The following LRRC72 variants were observed in gnomAD, a reference collection of about 807,000 sequenced individuals.
The protein encoded by LRRC72 is leucine-rich repeat-containing protein 72.
In LRRC72, 41 loss-of-function variants were observed where a neutral mutation model predicts 35.8. That is an observed-to-expected ratio of 1.15 (90% CI 0.89 to 1.49). The LOEUF is 1.49. Among genes scored for constraint, LRRC72 ranks in the 40% most tolerant of loss-of-function variants. The probability of loss-of-function intolerance (pLI) is 0.00; values close to 1 mark genes in which losing one functional copy is unlikely to be tolerated. For synonymous variants in LRRC72, 118 were observed against 119.2 expected (o/e 0.99, Z 0.07); for missense variants, 389 against 330.7 (o/e 1.18, Z -1.37).
intron 3 of LRRC72, among the ~76,000 whole-genome samples, chr7:16,548,692 G>A (rs1445140317): frequency 1.3e-5 from 2 of 152,208 alleles, no homozygotes; most frequent in African/African-American, 4.8e-5. Context: ...ACTCTTGACA[G>A]GCATGGGATC....
intron 7 of LRRC72, among the ~76,000 whole-genome samples, chr7:16,575,655 A>G (rs1386567966): frequency 9.2e-5 from 14 of 152,234 alleles, no homozygotes; most frequent in Admixed American, 5.9e-4. Context: ...CAAGTGTACA[A>G]TAAGTTGAAC....
rs534389927 is a variant in LRRC72 at position 16,580,637 on chromosome 7, C to G, written c.698+536C>G. On this transcript the variant is annotated intron_variant, in intron 8 of 8. Coordinates refer to ENST00000401542, the MANE Select transcript of LRRC72 (RefSeq NM_001195280.2). ...CCAGCCTGGGTGACAGAGTGAGACT[C>G]TGTTTCAAAAAATAAAAAAATAAAA... 2.0e-5 allele frequency among the ~76,000 whole-genome samples: 3 copies of G among 152,186 alleles called. No homozygotes were observed. The South Asian group carries it at 6.2e-4, about 32-fold the overall frequency.
chr7:16,545,211 T>C (rs1385466867), intron 3 of LRRC72, among the ~76,000 whole-genome samples: 1 of 152,164 alleles, frequency 6.6e-6, no homozygotes, highest in African/African-American at 2.4e-5. Context: ...TTTTAAGAAA[T>C]ATCTTAGGCT....
Position 16,581,526 on chromosome 7 carries a change from T to G in LRRC72, c.*37T>G. ...TCTAGATATCTTAGTGGTTTTCAGT[T>G]GTATATTAAACTTCCCTGTGACTTA... On this transcript the variant is annotated 3_prime_UTR_variant, in exon 9 of 9. Transcript: ENST00000401542. 1 of 1,443,012 alleles carries G rather than the reference T, an allele frequency of 6.9e-7. No homozygotes were observed. The highest frequency in any genetic ancestry group is 9.2e-7 in the Non-Finnish European group (1 of 1,091,776). 89.4% of individuals were successfully genotyped at this position (1,443,012 alleles called of 1,614,324 possible). A position where few individuals can be genotyped will look rare whatever the true frequency, so the allele number is the denominator to read the frequency against.
At chr7:16,542,251 G>C (rs951519599) in intron 3 of LRRC72, among the ~76,000 whole-genome samples, 1 of 152,134 alleles carries the variant, frequency 6.6e-6, no homozygotes, top group Non-Finnish European at 1.5e-5. Flanking sequence ...GCTTAGAAAG[G>C]GATCGCATGC....
At chr7:16,564,214 G>A (rs1369681224) in intron 5 of LRRC72, among the ~76,000 whole-genome samples, 1 of 152,150 alleles carries the variant, frequency 6.6e-6, no homozygotes, top group Non-Finnish European at 1.5e-5. Context: ...TGTCAGATGT[G>A]ATTCCCCAAG....
intron 2 of LRRC72, among the ~76,000 whole-genome samples, chr7:16,537,336 G>A (rs1324127480): frequency 6.6e-6 from 1 of 152,110 alleles, no homozygotes; most frequent in Non-Finnish European, 1.5e-5. Flanking sequence ...AGTAAAACTT[G>A]TTTTGAATTA....
chr7:16,530,609 T>C (rs989897276), intron 1 of LRRC72: 2 of 152,252 alleles, frequency 1.3e-5, no homozygotes, highest in African/African-American at 2.4e-5. Context: ...TCCATTGTGA[T>C]GTCACATGTC....
chr7:16,532,476 A>G lies in LRRC72; in HGVS notation c.91-19A>G. On this transcript the variant is annotated intron_variant, in intron 1 of 8. Transcript: ENST00000401542. ...TGTTCATTGGAATGTAGTTTGACAG[A>G]TTAATTATATGTTATCAGGCAGTTG... 6.5e-7 allele frequency: 1 copy of G among 1,537,836 alleles called. No homozygotes were observed. Among genetic ancestry groups the G allele is most frequent in the Non-Finnish European group, 8.8e-7 (1 of 1,135,426 alleles).
intron 4 of LRRC72, 103 bp downstream of exon 4, chr7:16,557,544 T>G (rs534309015): frequency 5.3e-6 from 2 of 377,766 alleles, no homozygotes; most frequent in Non-Finnish European, 9.6e-6. Context: ...TTAACATTTC[T>G]GTTGAAAATA....
Position 16,537,648 on chromosome 7 carries a change from T to C in LRRC72, c.186T>C (p.Asp62=). The C allele has an allele frequency of 1.3e-6, 2 of 1,529,678 alleles. No individual in the cohort carries two copies. Among genetic ancestry groups the C allele is most frequent in the Non-Finnish European group, 1.8e-6 (2 of 1,135,098 alleles). 94.8% of individuals were successfully genotyped at this position (1,529,678 alleles called of 1,614,324 possible). The change falls in exon 3 of 9, where the codon GAT becomes GAC. Residue 62 remains aspartate (D), a synonymous_variant. Transcript: ENST00000401542. The stretch of plus-strand genomic sequence containing the variant: ...CCAGGGAACTGACAGAGGTCATTGA[T>C]CTTTCTAGGTTTAAAAAATTAAAAT... ...LSKKELTEVI[D]LSRFKKLKYL...
intron 2 of LRRC72, among the ~76,000 whole-genome samples, chr7:16,533,782 T>A (rs1230855038): frequency 1.3e-5 from 2 of 152,136 alleles, no homozygotes; most frequent in African/African-American, 4.8e-5. Context: ...AAAAATATAT[T>A]TTTTAGTATG....
chr7:16,562,796 C>T (rs993711337), intron 5 of LRRC72, among the ~76,000 whole-genome samples: 31 of 152,184 alleles, frequency 2.0e-4, no homozygotes, highest in African/African-American at 7.2e-4. Flanking sequence ...AAACAATTCA[C>T]CAAAGGAAAA....
intron 2 of LRRC72, among the ~76,000 whole-genome samples, chr7:16,533,185 T>C (rs1259404887): frequency 1.3e-5 from 2 of 152,116 alleles, no homozygotes; most frequent in African/African-American, 2.4e-5. Flanking sequence ...CATACTATGA[T>C]AATGAACTCC....
chr7:16,558,014 C>G (rs958488438), intron 4 of LRRC72, among the ~76,000 whole-genome samples: 23 of 152,178 alleles, frequency 1.5e-4, no homozygotes, highest in African/African-American at 5.3e-4. Flanking sequence ...GAAAGAACAT[C>G]TTGCCAACGA....
chr7:16,581,094 A>G (rs1376483532), intron 8 of LRRC72, among the ~76,000 whole-genome samples: 1 of 152,210 alleles, frequency 6.6e-6, no homozygotes, highest in Non-Finnish European at 1.5e-5. Context: ...GTTGATCCCC[A>G]AATATGTTCA....
chr7:16,555,636 G>C (rs1782637522), intron 3 of LRRC72, among the ~76,000 whole-genome samples: 1 of 152,120 alleles, frequency 6.6e-6, no homozygotes. Context: ...GCTGGCTATG[G>C]CGGCATGTGC....
intron 1 of LRRC72, among the ~76,000 whole-genome samples, chr7:16,531,131 T>A (rs1342053534): frequency 6.7e-6 from 1 of 148,410 alleles, no homozygotes; most frequent in Non-Finnish European, 1.5e-5. Context: ...TGCAGTGAGC[T>A]GAAATCACAC....
chr7:16,579,315 G>A (rs575122825), intron 7 of LRRC72, among the ~76,000 whole-genome samples: 21 of 152,300 alleles, frequency 1.4e-4, no homozygotes, highest in Non-Finnish European at 2.5e-4. Flanking sequence ...GATCAGAAAC[G>A]CATGAGAGAC....
Sources: gnomAD v4.1 joint callset for allele counts (sites outside exome capture counted in the v4.1 genomes callset) on GRCh38, gnomAD v4.1.1 for gene constraint, MANE v1.5 for transcripts, NCBI Gene and HGNC (gene_info 2026-07-23, HGNC 2026-07-21) for gene names.